The following HS6ST3 variants were observed in gnomAD, a reference collection of about 807,000 sequenced individuals.
HS6ST3 encodes the protein heparan sulfate 6-O-sulfotransferase 3.
A neutral mutation model predicts 36.7 loss-of-function variants in HS6ST3; 12 were observed. That is an observed-to-expected ratio of 0.33 (90% confidence interval 0.21 to 0.53). HS6ST3 has a LOEUF of 0.53. Ranked by LOEUF, HS6ST3 falls within the 20% of genes least tolerant of loss-of-function variation. HS6ST3 has a pLI of 0.95. For missense variants in HS6ST3, 584 were observed against 640.9 expected (o/e 0.91, Z 0.96); for synonymous variants, 240 against 257.5 (o/e 0.93, Z 0.65).
intron 1 of HS6ST3, among the ~76,000 whole-genome samples, chr13:96,230,134 T>C (rs2054500715): frequency 6.6e-6 from 1 of 152,192 alleles, no homozygotes; most frequent in Non-Finnish European, 1.5e-5. Flanking sequence ...GTTTCAACTT[T>C]ATCCTGTGGG....
intron 1 of HS6ST3, among the ~76,000 whole-genome samples, chr13:96,397,779 G>A (rs750886978): frequency 2.2e-4 from 33 of 152,294 alleles, no homozygotes; most frequent in South Asian, 1.2e-3. Flanking sequence ...GAACAGCAAC[G>A]ATATGGCTTA....
intron 1 of HS6ST3, among the ~76,000 whole-genome samples, chr13:96,416,866 C>T (rs2055536087): frequency 6.6e-6 from 1 of 151,766 alleles, no homozygotes. Flanking sequence ...CATTCTCTTG[C>T]CTCAGGCTCC....
rs1336098 is a variant in HS6ST3 at position 96,628,708 on chromosome 13, T to G, written c.708-203782T>G. Among the ~76,000 whole-genome samples the G allele has an allele frequency of 8.3e-3, 1,260 of 152,204 alleles. 16 individuals are homozygous for G. The highest frequency in any genetic ancestry group is 0.029 in the African/African-American group (1,217 of 41,564). On this transcript the variant is annotated intron_variant, in intron 1 of 1. Coordinates refer to ENST00000376705, the MANE Select transcript of HS6ST3 (RefSeq NM_153456.4). ...ATCACTATGTCTAACTGGTTAAACTTTTTAATCACTTTTTTTCCTCCTTAG... is the reference window on the plus strand; with the variant it reads ...ATCACTATGTCTAACTGGTTAAACTGTTTAATCACTTTTTTTCCTCCTTAG...
intron 1 of HS6ST3, among the ~76,000 whole-genome samples, chr13:96,139,643 A>ATT (rs2054020347): frequency 6.6e-6 from 1 of 151,540 alleles, no homozygotes; most frequent in African/African-American, 2.4e-5. Context: ...GGTGAAGTGT[A>ATT]CATCATGAAG....
chr13:96,798,183 G>A (rs890470154), intron 1 of HS6ST3, among the ~76,000 whole-genome samples: 1 of 152,010 alleles, frequency 6.6e-6, no homozygotes, highest in African/African-American at 2.4e-5. Flanking sequence ...GAAGGGGCAT[G>A]GAGTTACCAT....
At chr13:96,300,039 G>A (rs1324550146) in intron 1 of HS6ST3, among the ~76,000 whole-genome samples, 1 of 142,354 alleles carries the variant, frequency 7.0e-6, no homozygotes, top group African/African-American at 2.6e-5. Context: ...GAAGGGAAAA[G>A]TGCTACACTT....
intron 1 of HS6ST3, among the ~76,000 whole-genome samples, chr13:96,097,330 C>G (rs1264647609): frequency 1.3e-5 from 2 of 152,068 alleles, no homozygotes; most frequent in African/African-American, 2.4e-5. Context: ...CTCATTTTGA[C>G]TAAAGACAAT....
At chr13:96,764,653 T>C in intron 1 of HS6ST3, among the ~76,000 whole-genome samples, 1 of 152,206 alleles carries the variant, frequency 6.6e-6, no homozygotes, top group Admixed American at 6.5e-5. Flanking sequence ...GGAGGAAACC[T>C]TTCCTTCACA....
chr13:96,242,877 G>A lies in HS6ST3; in HGVS notation c.707+151308G>A, dbSNP rs115558570. On this transcript the variant is annotated intron_variant, in intron 1 of 1. Coordinates refer to ENST00000376705, the MANE Select transcript of HS6ST3 (RefSeq NM_153456.4). ...AAATCACTATCTCCAAAAGATATCG[G>A]CACTCCCATATTCATTGCAGTATTT... Among the ~76,000 whole-genome samples, 776 of 152,214 alleles carry A rather than the reference G, an allele frequency of 5.1e-3. 5 individuals carry two copies. Among genetic ancestry groups the A allele is most frequent in the African/African-American group, 0.017 (724 of 41,530 alleles).
At chr13:96,495,544 T>C (rs1346616844) in intron 1 of HS6ST3, among the ~76,000 whole-genome samples, 1 of 152,212 alleles carries the variant, frequency 6.6e-6, no homozygotes, top group East Asian at 1.9e-4. Flanking sequence ...CTTTTTTTGT[T>C]GATGGCTTCT....
intron 1 of HS6ST3, among the ~76,000 whole-genome samples, chr13:96,357,488 G>C (rs2055215876): frequency 6.6e-6 from 1 of 152,174 alleles, no homozygotes. Flanking sequence ...TCAGGGAATA[G>C]AGAGGCATGA....
intron 1 of HS6ST3, among the ~76,000 whole-genome samples, chr13:96,111,075 T>C (rs536066951): frequency 6.6e-6 from 1 of 152,214 alleles, no homozygotes; most frequent in Non-Finnish European, 1.5e-5. Context: ...TGAAAAATGC[T>C]TATTTTAAAA....
At chr13:96,431,215 A>G (rs1364335309) in intron 1 of HS6ST3, among the ~76,000 whole-genome samples, 2 of 109,454 alleles carry the variant, frequency 1.8e-5, no homozygotes, top group African/African-American at 9.8e-5. Flanking sequence ...AAAACAAAAA[A>G]CAAACAAACA....
chr13:96,242,849 T>A (rs570482702), intron 1 of HS6ST3, among the ~76,000 whole-genome samples: 2 of 152,284 alleles, frequency 1.3e-5, no homozygotes, highest in South Asian at 4.1e-4. Flanking sequence ...TCTAAAAAAA[T>A]TGAAATCACT....
At chr13:96,271,526 A>T (rs1335303711) in intron 1 of HS6ST3, among the ~76,000 whole-genome samples, 1 of 151,842 alleles carries the variant, frequency 6.6e-6, no homozygotes, top group Admixed American at 6.6e-5. Context: ...AAAGGCAGGG[A>T]CTGTTCTTGC....
intron 1 of HS6ST3, among the ~76,000 whole-genome samples, chr13:96,241,175 G>A (rs1441790310): frequency 6.6e-6 from 1 of 151,274 alleles, no homozygotes; most frequent in Non-Finnish European, 1.5e-5. Flanking sequence ...TGAAAGAAAC[G>A]CCTAATAGAA....
intron 1 of HS6ST3, among the ~76,000 whole-genome samples, chr13:96,645,221 G>A (rs998136880): frequency 2.0e-5 from 3 of 151,906 alleles, no homozygotes; most frequent in Non-Finnish European, 4.4e-5. Flanking sequence ...ATGTACTAAA[G>A]CCAGTTGTGT....
At chr13:96,602,248 A>G (rs2056424377) in intron 1 of HS6ST3, among the ~76,000 whole-genome samples, 2 of 152,108 alleles carry the variant, frequency 1.3e-5, no homozygotes, top group South Asian at 2.1e-4. Context: ...GTTATTTTTT[A>G]ATTCTTTATC....
intron 1 of HS6ST3, among the ~76,000 whole-genome samples, chr13:96,386,261 A>G (rs955840919): frequency 6.6e-6 from 1 of 152,180 alleles, no homozygotes; most frequent in East Asian, 1.9e-4. Flanking sequence ...AAGTATATCT[A>G]TTGTATTTTA....
Sources: gnomAD v4.1 joint callset for allele counts (sites outside exome capture counted in the v4.1 genomes callset) on GRCh38, gnomAD v4.1.1 for gene constraint, MANE v1.5 for transcripts, NCBI Gene and HGNC (gene_info 2026-07-23, HGNC 2026-07-21) for gene names.